The following ZDHHC21 variants were observed in gnomAD, a reference collection of about 807,000 sequenced individuals.
ZDHHC21 encodes the protein zDHHC palmitoyltransferase 21.
ZDHHC21 carries 15 observed loss-of-function variants against 34.6 expected under a neutral mutation model. That is an observed-to-expected ratio of 0.43 (90% CI 0.29 to 0.67). The LOEUF (loss-of-function observed/expected upper bound fraction) is 0.67, where lower values mean the gene tolerates loss of function less well. Among genes scored for constraint, ZDHHC21 ranks in the 30% least tolerant of loss-of-function variants. The pLI is 0.14. For synonymous variants in ZDHHC21, 142 were observed against 101.8 expected (o/e 1.40, Z -2.38); for missense variants, 344 against 327.7 (o/e 1.05, Z -0.38).
chr9:14,618,997 C>G lies in ZDHHC21; in HGVS notation c.767G>C (p.Arg256Pro), dbSNP rs148418898. The G allele has an allele frequency of 3.7e-6, 6 of 1,610,998 alleles. No individual in the cohort carries two copies. The highest frequency in any genetic ancestry group is 4.2e-6 in the Non-Finnish European group (5 of 1,178,422). The change falls in exon 10 of 10, where the codon CGA becomes CCA. Residue 256 changes from arginine to proline, a missense_variant. Coordinates refer to ENST00000380916, the MANE Select transcript of ZDHHC21 (RefSeq NM_178566.6). The part of the protein sequence containing the change: ...FIPFRQRQPL[R>P]VPYHFANHV ...ATGATTGGCAAAGTGGTAGGGAACT[C>G]GCAGTGGTTGCCTCTGCCTGAAAGG...
the ZDHHC21 span, among the ~76,000 whole-genome samples, chr9:14,597,437 C>G: frequency 6.6e-6 from 1 of 152,186 alleles, no homozygotes; most frequent in African/African-American, 2.4e-5. Context: ...ACAAAGGGAG[C>G]TGAAGCACAC....
chr9:14,677,034 A>AT (rs1457121746), intron 3 of ZDHHC21, among the ~76,000 whole-genome samples: 16 of 152,056 alleles, frequency 1.1e-4, no homozygotes, highest in African/African-American at 3.6e-4. Context: ...CGACTGGCAA[A>AT]ATTATCAAAT....
the ZDHHC21 span, among the ~76,000 whole-genome samples, chr9:14,596,535 G>A: frequency 1.3e-5 from 2 of 152,176 alleles, no homozygotes; most frequent in Non-Finnish European, 2.9e-5. Flanking sequence ...GGTCCGGTAG[G>A]AAAAGCAGTG....
chr9:14,608,732 G>T (rs759303025), downstream of ZDHHC21, among the ~76,000 whole-genome samples: 2 of 151,576 alleles, frequency 1.3e-5, no homozygotes, highest in Non-Finnish European at 2.9e-5. Flanking sequence ...ATGTCTACAG[G>T]GTCCAATTTT....
chr9:14,686,697 G>A (rs901311798), intron 2 of ZDHHC21, among the ~76,000 whole-genome samples: 12 of 152,076 alleles, frequency 7.9e-5, no homozygotes, highest in East Asian at 1.9e-4. Flanking sequence ...TAAAGTCTGG[G>A]TATAGTGGCT....
chr9:14,660,523 T>G (rs536744997), intron 6 of ZDHHC21, among the ~76,000 whole-genome samples: 5 of 152,246 alleles, frequency 3.3e-5, no homozygotes, highest in African/African-American at 1.2e-4. Flanking sequence ...TGCTTCCAAT[T>G]TACACTGTAC....
At chr9:14,635,645 T>A (rs1242186852) in intron 8 of ZDHHC21, among the ~76,000 whole-genome samples, 1 of 152,338 alleles carries the variant, frequency 6.6e-6, no homozygotes, top group Non-Finnish European at 1.5e-5. Context: ...TGGGACTTTA[T>A]CATCCCTAGA....
intron 8 of ZDHHC21, among the ~76,000 whole-genome samples, chr9:14,636,017 CAG>C (rs1232520854): frequency 1.3e-5 from 2 of 152,110 alleles, no homozygotes; most frequent in South Asian, 4.1e-4. Flanking sequence ...ATAAAACAAT[CAG>C]AAATCAATTA....
chr9:14,673,102 C>G (rs1379551113), intron 4 of ZDHHC21, among the ~76,000 whole-genome samples, 174 bp from the exon 5 acceptor site: 1 of 151,914 alleles, frequency 6.6e-6, no homozygotes, highest in East Asian at 1.9e-4. Context: ...GTCAGGAGGA[C>G]TATCTTAAAT....
At chr9:14,670,218 G>T (rs535590455) in intron 5 of ZDHHC21, among the ~76,000 whole-genome samples, 1 of 152,128 alleles carries the variant, frequency 6.6e-6, no homozygotes, top group South Asian at 2.1e-4. Flanking sequence ...TAATATCCTA[G>T]AGAATAAATT....
intron 8 of ZDHHC21, among the ~76,000 whole-genome samples, chr9:14,621,947 G>C (rs1209321552): frequency 6.6e-6 from 1 of 152,084 alleles, no homozygotes; most frequent in African/African-American, 2.4e-5. Flanking sequence ...AACACAGTTA[G>C]TGCTCATCAT....
the ZDHHC21 span, among the ~76,000 whole-genome samples, chr9:14,595,413 G>C: frequency 6.6e-6 from 1 of 152,142 alleles, no homozygotes; most frequent in Non-Finnish European, 1.5e-5. Context: ...AGACATAAAA[G>C]ACTACATAAT....
chr9:14,649,096 A>C (rs1830767950), intron 7 of ZDHHC21, among the ~76,000 whole-genome samples: 1 of 151,728 alleles, frequency 6.6e-6, no homozygotes, highest in Non-Finnish European at 1.5e-5. Flanking sequence ...TGCCAGTAGC[A>C]CTCCCCTAGC....
chr9:14,600,184 G>C, the ZDHHC21 span, among the ~76,000 whole-genome samples: 1 of 152,220 alleles, frequency 6.6e-6, no homozygotes, highest in African/African-American at 2.4e-5. Context: ...AGAAATAAAG[G>C]GTATTCAAAT....
At chr9:14,624,480 C>A (rs1012783376) in intron 8 of ZDHHC21, among the ~76,000 whole-genome samples, 2 of 151,922 alleles carry the variant, frequency 1.3e-5, no homozygotes, top group African/African-American at 4.8e-5. Flanking sequence ...GAATACTAAT[C>A]GGCCAAAAAA....
In ZDHHC21 at chr9:14,636,648, G is replaced by A. The variant is rs12349835; in HGVS notation, c.621+3248C>T. 4.2e-3 allele frequency among the ~76,000 whole-genome samples: 642 copies of A among 152,146 alleles called. 7 individuals carry two copies. Among genetic ancestry groups the A allele is most frequent in the African/African-American group, 0.015 (606 of 41,514 alleles). On this transcript the variant is annotated intron_variant, in intron 8 of 9. Transcript: ENST00000380916. The stretch of plus-strand genomic sequence containing the variant: ...GGAACATTTTCCAAGATAGACCATA[G>A]GTTAGGACACAAAACAAGTCTCAAG...
At chr9:14,664,228 G>T (rs552192953) in intron 5 of ZDHHC21, among the ~76,000 whole-genome samples, 1 of 152,112 alleles carries the variant, frequency 6.6e-6, no homozygotes, top group Non-Finnish European at 1.5e-5. Context: ...TTCCCTTTCC[G>T]AGTCAAAGAA....
chr9:14,602,810 C>G, the ZDHHC21 span, among the ~76,000 whole-genome samples: 1 of 151,892 alleles, frequency 6.6e-6, no homozygotes, highest in Non-Finnish European at 1.5e-5. Flanking sequence ...ATAATCCCAG[C>G]CACTCGGGAG....
the ZDHHC21 span, among the ~76,000 whole-genome samples, chr9:14,593,142 T>C: frequency 6.6e-6 from 1 of 151,856 alleles, no homozygotes; most frequent in African/African-American, 2.4e-5. Flanking sequence ...GGGAGGAAAT[T>C]AGAAATCATA....
Sources: allele counts gnomAD v4.1 joint callset (sites outside exome capture counted in the v4.1 genomes callset), GRCh38; gene constraint gnomAD v4.1.1; transcripts MANE v1.5; gene names NCBI Gene and HGNC (gene_info 2026-07-23, HGNC 2026-07-21).